TPRG1: variants seen among roughly 807,000 people sequenced by gnomAD.
TPRG1 encodes the protein tumor protein p63 regulated 1, also known as tumor protein p63-regulated gene 1 protein.
A neutral mutation model predicts 29.3 loss-of-function variants in TPRG1; 29 were observed. The observed-to-expected ratio is 0.99, with a 90% CI of 0.74 to 1.35. The LOEUF (loss-of-function observed/expected upper bound fraction) is 1.35, where lower values mean the gene tolerates loss of function less well. Ranked by LOEUF, TPRG1 falls within the 40% of genes most tolerant of loss-of-function variation. TPRG1 has a pLI of 0.00. For synonymous variants in TPRG1, 130 were observed against 116.8 expected (o/e 1.11, Z -0.73); for missense variants, 327 against 335.0 (o/e 0.98, Z 0.19).
chr3:189,284,906 A>G (rs1717788098), intron 4 of TPRG1, among the ~76,000 whole-genome samples: 1 of 152,196 alleles, frequency 6.6e-6, no homozygotes, highest in Admixed American at 6.5e-5. Flanking sequence ...AAAACACCAA[A>G]AGCAATGGCA....
chr3:189,079,337 G>A (rs529183542), intron 4 of TPRG1, among the ~76,000 whole-genome samples: 1 of 152,132 alleles, frequency 6.6e-6, no homozygotes, highest in African/African-American at 2.4e-5. Flanking sequence ...ATTTAGAAGG[G>A]ACAAATATCC....
intron 4 of TPRG1, among the ~76,000 whole-genome samples, chr3:189,294,321 C>T (rs1445042740): frequency 6.6e-6 from 1 of 152,150 alleles, no homozygotes; most frequent in African/African-American, 2.4e-5. Flanking sequence ...AAAGCCAGTT[C>T]TTTCTTGGAG....
At chr3:189,151,097 G>C (rs988420630) in intron 5 of TPRG1, 3 of 152,146 alleles carry the variant, frequency 2.0e-5, no homozygotes, top group African/African-American at 7.2e-5. Context: ...TAAAACTGCT[G>C]AGTAATTTTC....
intron 5 of TPRG1, chr3:189,151,056 C>T (rs1408052681): frequency 6.6e-6 from 1 of 152,166 alleles, no homozygotes; most frequent in African/African-American, 2.4e-5. Flanking sequence ...CACAGGTACC[C>T]CCCAAAAGCC....
At chr3:189,212,560 AAAG>A (rs1735434530) in intron 2 of TPRG1, among the ~76,000 whole-genome samples, 1 of 123,388 alleles carries the variant, frequency 8.1e-6, no homozygotes, top group African/African-American at 3.2e-5. Flanking sequence ...AGATTGTAAA[AAAG>A]ATGATTTTTT....
intron 3 of TPRG1, among the ~76,000 whole-genome samples, chr3:189,021,825 G>A (rs1014841209): frequency 1.3e-5 from 2 of 152,154 alleles, no homozygotes; most frequent in Non-Finnish European, 2.9e-5. Context: ...CCTGCAGAGT[G>A]TTTTCCAACT....
chr3:189,310,917 A>C (rs1175996810), intron 5 of TPRG1, among the ~76,000 whole-genome samples: 2 of 152,170 alleles, frequency 1.3e-5, no homozygotes, highest in African/African-American at 4.8e-5. Context: ...ATGCTCGATT[A>C]AGTCACTTGT....
chr3:189,214,238 C>T lies in TPRG1; in HGVS notation c.211-1054C>T, dbSNP rs561261459. Among the ~76,000 whole-genome samples the T allele has an allele frequency of 3.3e-5, 5 of 151,880 alleles. No individual in the cohort carries two copies. The South Asian group carries it at 1.0e-3, about 31-fold the overall frequency. On this transcript the variant is annotated intron_variant, in intron 2 of 5. Coordinates refer to ENST00000345063, the MANE Select transcript of TPRG1 (RefSeq NM_198485.4). ...CTTATTTTAGGATTATTTCATGACT[C>T]TTTACTTAACAATTTTTTCTTCTGA...
At chr3:189,181,934 G>T (rs1730282225) in intron 1 of TPRG1, among the ~76,000 whole-genome samples, 1 of 152,156 alleles carries the variant, frequency 6.6e-6, no homozygotes, top group Admixed American at 6.6e-5. Context: ...AATCATGGTG[G>T]AAGGCAAGGA....
intron 4 of TPRG1, among the ~76,000 whole-genome samples, chr3:189,038,411 C>T (rs1271984686): frequency 2.6e-5 from 4 of 151,914 alleles, no homozygotes; most frequent in East Asian, 3.9e-4. Flanking sequence ...GAAAGATAGG[C>T]TTTTTAAAAG....
exon 3 of TPRG1, chr3:189,132,513 AACAG>A (rs1342997780): frequency 1.3e-5 from 2 of 152,224 alleles, no homozygotes; most frequent in Non-Finnish European, 2.9e-5. Context: ...GAAAGATCAA[AACAG>A]ACAGTCTCTG....
intron 4 of TPRG1, among the ~76,000 whole-genome samples, chr3:189,056,087 T>A (rs190198883): frequency 2.8e-4 from 39 of 137,404 alleles, no homozygotes; most frequent in Non-Finnish European, 4.5e-4. Context: ...CTTCCTTCCT[T>A]CCTTCCTTCC....
intron 4 of TPRG1, among the ~76,000 whole-genome samples, chr3:189,244,776 C>A (rs985607925): frequency 6.6e-6 from 1 of 152,116 alleles, no homozygotes; most frequent in Non-Finnish European, 1.5e-5. Context: ...AGATCCAAAC[C>A]ATATCAGTGA....
intron 1 of TPRG1, among the ~76,000 whole-genome samples, chr3:189,198,011 G>T (rs1329849300): frequency 6.6e-6 from 1 of 152,146 alleles, no homozygotes; most frequent in African/African-American, 2.4e-5. Context: ...GGTGTGGAGG[G>T]GATGGCAGAG....
chr3:189,207,520 A>G lies in TPRG1; in HGVS notation c.136A>G (p.Ser46Gly). ...PMPRQISRQS[S>G]VTESTLYPNP... is the part of the protein sequence containing the mutation. The stretch of plus-strand genomic sequence containing the variant: ...GCCAAGACAGATTTCAAGGCAGTCA[A>G]GTGTGACCGAATCAACTCTTTACCC... Residue 46 changes from serine (S) to glycine (G), a missense_variant, in exon 2 of 6, where the codon AGT becomes GGT. Physicochemically the swap from Ser to Gly is moderately conservative, Grantham distance 56. Transcript: ENST00000345063. 3 of 1,614,080 alleles carry G rather than the reference A, an allele frequency of 1.9e-6. No individual in the cohort carries two copies. The highest frequency in any genetic ancestry group is 2.5e-6 in the Non-Finnish European group (3 of 1,179,964).
chr3:189,288,408 G>T (rs1394245375), intron 4 of TPRG1, among the ~76,000 whole-genome samples: 1 of 151,870 alleles, frequency 6.6e-6, no homozygotes, highest in Non-Finnish European at 1.5e-5. Context: ...ATAGCACATA[G>T]GATGACTAAG....
At chr3:189,056,095 T>TCCTTCCTTCCTTCCTC (rs1715676795) in intron 4 of TPRG1, among the ~76,000 whole-genome samples, 1 of 138,286 alleles carries the variant, frequency 7.2e-6, no homozygotes, top group African/African-American at 2.7e-5. Flanking sequence ...CTTCCTTCCT[T>TCCTTCCTTCCTTCCTC]CCTTCCCTCT....
upstream of TPRG1, among the ~76,000 whole-genome samples, chr3:189,167,647 G>T (rs1396694621): frequency 1.3e-5 from 2 of 152,188 alleles, no homozygotes; most frequent in Non-Finnish European, 2.9e-5. Context: ...AACTGCACGA[G>T]TTGCATGCCC....
intron 1 of TPRG1, among the ~76,000 whole-genome samples, chr3:189,118,639 T>A (rs958254949): frequency 6.6e-6 from 1 of 152,224 alleles, no homozygotes; most frequent in African/African-American, 2.4e-5. Flanking sequence ...CTGCTTCAGC[T>A]CCAGCTGTGG....
Sources: gnomAD v4.1 joint callset for allele counts (sites outside exome capture counted in the v4.1 genomes callset) on GRCh38, gnomAD v4.1.1 for gene constraint, MANE v1.5 for transcripts, NCBI Gene and HGNC (gene_info 2026-07-23, HGNC 2026-07-21) for gene names.